The following ATG9B variants were observed in gnomAD, a reference collection of about 807,000 sequenced individuals.
ATG9B encodes autophagy related 9B.
In ATG9B, 92 loss-of-function variants were observed where a neutral mutation model predicts 92.9. That is an observed-to-expected ratio of 0.99 (90% CI 0.84 to 1.18). The LOEUF is 1.18. Among genes scored for constraint, ATG9B ranks in the 50% most tolerant of loss-of-function variants. The pLI, the probability that ATG9B is intolerant of heterozygous loss-of-function variation, is 0.00. For synonymous variants in ATG9B, 599 were observed against 551.4 expected (o/e 1.09, Z -1.21); for missense variants, 1,344 against 1,235.0 (o/e 1.09, Z -1.32).
In ATG9B at chr7:151,018,102, G is replaced by A. The variant is rs768056870; in HGVS notation, c.1873-52C>T. 1 of 1,524,254 alleles carries A rather than the reference G, an allele frequency of 6.6e-7. No individual in the cohort carries two copies. Among genetic ancestry groups the A allele is most frequent in the East Asian group, 2.4e-5 (1 of 41,108 alleles). 94.4% of individuals were successfully genotyped at this position (1,524,254 alleles called of 1,614,324 possible). A position where few individuals can be genotyped will look rare whatever the true frequency, so the allele number is the denominator to read the frequency against. On this transcript the variant is annotated intron_variant, in intron 7 of 13. Coordinates refer to ENST00000639579, the MANE Select transcript of ATG9B (RefSeq NM_001317056.2). The surrounding 1 kb of genome is among the most constrained non-coding windows in gnomAD (Gnocchi z 4.7). Reference sequence around the variant, plus strand: ...AGGGGTCGCTGAGGGGCCCACGCGCGTTATCAGGACCAAGCAGTCCCCAGC... The same window carrying A: ...AGGGGTCGCTGAGGGGCCCACGCGCATTATCAGGACCAAGCAGTCCCCAGC...
chr7:151,014,206 G>A (rs368256841), downstream of ATG9B: 2 of 1,568,192 alleles, frequency 1.3e-6, no homozygotes, highest in Non-Finnish European at 1.7e-6. Flanking sequence ...CCGGGAGAGC[G>A]GCTGCCCGAC....
Position 151,018,701 on chromosome 7 carries a change from G to T in ATG9B, c.1637C>A (p.Thr546Asn), listed in dbSNP as rs750207648. 3.2e-5 allele frequency: 51 copies of T among 1,602,732 alleles called. No individual in the cohort carries two copies. In the African/African-American group the frequency reaches 6.0e-4, roughly 19 times the overall value. ...GGCTAGCACGTCCTCGTCGTAGACG[G>T]TGAGCACAAGCAGCGCGGCGAAGAG... ...GALFAALLVL[T>N]VYDEDVLAVE... The change falls in exon 6 of 14, where the codon ACC (threonine) becomes AAC (asparagine). Residue 546 changes from threonine to asparagine, a missense_variant. Physicochemically the swap from Thr to Asn is moderately conservative, Grantham distance 65 (BLOSUM62 0). Coordinates refer to ENST00000639579, the MANE Select transcript of ATG9B (RefSeq NM_001317056.2). This position sits in a 1 kb window ranked among gnomAD's most constrained non-coding sequence, Gnocchi z 4.7.
In ATG9B at chr7:151,018,868, G is replaced by C; in HGVS notation, c.1470C>G (p.Arg490=). Residue 490 remains arginine (R), a synonymous_variant, in exon 6 of 14, where the codon CGC becomes CGG. Coordinates refer to ENST00000639579, the MANE Select transcript of ATG9B (RefSeq NM_001317056.2). The surrounding 1 kb of genome is among the most constrained non-coding windows in gnomAD (Gnocchi z 4.7). ...GWSRLARLQL[R]HFNELPHELR... The stretch of plus-strand genomic sequence containing the variant: ...GCTCGTGCGGCAGCTCGTTGAAGTG[G>C]CGCAGCTGCAAGCGCGCCAGGCGGG... The C allele has an allele frequency of 7.3e-7, 1 of 1,364,202 alleles. No homozygotes were observed. The highest frequency in any genetic ancestry group is 9.4e-7 in the Non-Finnish European group (1 of 1,065,550). The allele number at this position is 1,364,202 out of a possible 1,614,324, so 84.5% of individuals were successfully genotyped here.
intron 3 of ATG9B, 110 bp from the exon 4 acceptor site, chr7:151,023,316 C>G (rs1366507179): frequency 6.3e-7 from 1 of 1,597,128 alleles, no homozygotes; most frequent in African/African-American, 1.3e-5. Context: ...TGACCCTGCC[C>G]CTGCTGAGCC....
downstream of ATG9B, chr7:151,014,228 C>T (rs1584916494): frequency 1.3e-5 from 19 of 1,505,530 alleles, no homozygotes; most frequent in East Asian, 4.1e-4. Context: ...CAGGTCCGCC[C>T]GACCAGGATC....
chr7:151,013,167 T>C (rs1795343857), downstream of ATG9B: 1 of 1,544,280 alleles, frequency 6.5e-7, no homozygotes. Context: ...CGGTGGCCTG[T>C]GGGGAGGCCC....
chr7:151,016,832 G>A lies in ATG9B; in HGVS notation c.2290-11C>T, dbSNP rs768674645. ...CAGGAAGGCCTCAGGCTGGGTGCAA[G>A]AGGAGAGGGAAAGCCAAAGAGGGAG... On this transcript the variant is annotated splice_polypyrimidine_tract_variant and intron_variant, in intron 9 of 13. Transcript: ENST00000639579. 3 of 1,592,432 alleles carry A rather than the reference G, an allele frequency of 1.9e-6. No individual in the cohort carries two copies. The South Asian group carries it at 3.4e-5, about 18-fold the overall frequency.
chr7:151,018,694 G>C lies in ATG9B; in HGVS notation c.1644C>G (p.Tyr548Ter). Residue 548 changes from tyrosine to a stop codon, truncating the protein, a stop_gained, in exon 6 of 14, where the codon TAC becomes TAG. Transcript: ENST00000639579. LOFTEE classifies it high-confidence loss of function. The surrounding 1 kb of genome is among the most constrained non-coding windows in gnomAD (Gnocchi z 4.7). ...GCTCCACGGCTAGCACGTCCTCGTC[G>C]TAGACGGTGAGCACAAGCAGCGCGG... ...LFAALLVLTV[Y>*]DEDVLAVEHV... 1.2e-6 allele frequency: 2 copies of C among 1,604,070 alleles called. No homozygotes were observed. Among genetic ancestry groups the C allele is most frequent in the Non-Finnish European group, 8.5e-7 (1 of 1,177,644 alleles).
downstream of ATG9B, chr7:151,014,116 G>T (rs541336826): frequency 3.5e-5 from 56 of 1,613,368 alleles, 1 homozygote; most frequent in South Asian, 5.4e-4. Flanking sequence ...TCAGTTGCGG[G>T]GCGCAGTGCC....
downstream of ATG9B, chr7:151,013,292 C>G: frequency 6.2e-7 from 1 of 1,614,106 alleles, no homozygotes; most frequent in Non-Finnish European, 8.5e-7. Flanking sequence ...TTGACCATCT[C>G]TACCGCGACG....
Position 151,016,186 on chromosome 7 carries a change from G to A in ATG9B, c.2570C>T (p.Ser857Phe), listed in dbSNP as rs1195348825. 2.6e-6 allele frequency: 4 copies of A among 1,526,822 alleles called. No individual in the cohort carries two copies. The highest frequency in any genetic ancestry group is 2.6e-6 in the Non-Finnish European group (3 of 1,133,832). 94.6% of individuals were successfully genotyped at this position (1,526,822 alleles called of 1,614,324 possible). ...QQEPWGEAAASILSRPCSSPS... is the reference protein window; with the variant it reads ...QQEPWGEAAAFILSRPCSSPS... ...GCTGGAGCAGGGCCTGGACAGGATGGAGGCTGCAGCCTCACCCCACGGCTC... is the reference window on the plus strand; with the variant it reads ...GCTGGAGCAGGGCCTGGACAGGATGAAGGCTGCAGCCTCACCCCACGGCTC... Residue 857 changes from serine to phenylalanine, a missense_variant, in exon 12 of 14, where the codon TCC becomes TTC. Physicochemically the swap from Ser to Phe is radical, Grantham distance 155. Transcript: ENST00000639579.
At position 151,018,900 on chromosome 7, in the gene ATG9B, C is replaced by T. The variant is rs752918982; in HGVS notation, c.1438G>A (p.Gly480Ser). 1.4e-6 allele frequency: 2 copies of T among 1,469,076 alleles called. No homozygotes were observed. Among genetic ancestry groups the T allele is most frequent in the Non-Finnish European group, 1.8e-6 (2 of 1,119,242 alleles). 91.0% of individuals were successfully genotyped at this position (1,469,076 alleles called of 1,614,324 possible). Residue 480 changes from glycine to serine, a missense_variant, in exon 6 of 14, where the codon GGC (glycine) becomes AGC (serine). Transcript: ENST00000639579. The surrounding 1 kb of genome is among the most constrained non-coding windows in gnomAD (Gnocchi z 4.7). ...RREPGALGAR[G>S]WSRLARLQLR... is the part of the protein sequence containing the mutation. ...TGCAAGCGCGCCAGGCGGGACCAGC[C>T]GCGCGCCCCCAGCGCGCCAGGCTCG...
At position 151,024,358 on chromosome 7, in the gene ATG9B, G is replaced by A. The variant is rs372027173; in HGVS notation, c.66C>T (p.Pro22=). 2.7e-5 allele frequency: 38 copies of A among 1,395,478 alleles called. No individual in the cohort carries two copies. In the East Asian group the frequency reaches 3.5e-4, roughly 13 times the overall value. The allele number at this position is 1,395,478 out of a possible 1,614,324, so 86.4% of individuals were successfully genotyped here. ...RRLGRWGDLG[P]GSVPLLPMPL... The stretch of plus-strand genomic sequence containing the variant: ...GCATGGGGAGGAGGGGCACCGATCC[G>A]GGCCCCAGATCTCCCCACCGCCCCA... Residue 22 remains proline (P), a synonymous_variant, in exon 1 of 14, where the codon CCC becomes CCT. Coordinates refer to ENST00000639579, the MANE Select transcript of ATG9B (RefSeq NM_001317056.2).
chr7:151,014,141 C>T (rs892696687), downstream of ATG9B: 4 of 1,609,954 alleles, frequency 2.5e-6, no homozygotes, highest in Non-Finnish European at 3.4e-6. Flanking sequence ...GCGTTCGACC[C>T]TCCCGGCTCA....
At position 151,021,180 on chromosome 7, in the gene ATG9B, C is replaced by T. The variant is rs1199817169; in HGVS notation, c.963+8G>A. The stretch of plus-strand genomic sequence containing the variant: ...CACCCTCTGCACAGACACAGCCACC[C>T]AGCTCACCGGGGGGATGTGCAGGGC... On this transcript the variant is annotated splice_region_variant and intron_variant, in intron 5 of 13. Transcript: ENST00000639579. 1.9e-6 allele frequency: 3 copies of T among 1,613,196 alleles called. No homozygotes were observed. Among genetic ancestry groups the T allele is most frequent in the Non-Finnish European group, 1.7e-6 (2 of 1,179,794 alleles).
At chr7:151,013,965 G>A, downstream of ATG9B, 1 of 1,606,758 alleles carries the variant, frequency 6.2e-7, no homozygotes, top group South Asian at 1.1e-5. Flanking sequence ...TCCTGCTAAG[G>A]TCTCCGAGTC....
chr7:151,022,914 G>A (rs1795803918), intron 4 of ATG9B, 131 bp downstream of exon 4: 2 of 1,109,588 alleles, frequency 1.8e-6, no homozygotes, highest in Non-Finnish European at 2.6e-6. Flanking sequence ...TATATTAAGT[G>A]TATTTTTGGT....
downstream of ATG9B, chr7:151,012,847 C>G (rs929909182): frequency 1.5e-5 from 5 of 336,576 alleles, no homozygotes; most frequent in Non-Finnish European, 5.5e-6. Context: ...ATGGGGTGCC[C>G]AGGGTGGTCT....
chr7:151,013,258 T>C (rs1795346363), downstream of ATG9B: 1 of 1,613,714 alleles, frequency 6.2e-7, no homozygotes, highest in Admixed American at 1.7e-5. Flanking sequence ...ATGACTTTGG[T>C]GTTCGGCTGC....
Sources: allele counts gnomAD v4.1 joint callset, GRCh38; gene constraint gnomAD v4.1.1; non-coding constraint Gnocchi (gnomAD v3.1); transcripts MANE v1.5; gene names NCBI Gene and HGNC (gene_info 2026-07-23, HGNC 2026-07-21).